The following ZBBX variants were observed in gnomAD, a reference collection of about 807,000 sequenced individuals.
ZBBX encodes zinc finger B-box domain-containing protein 1.
Under a neutral mutation model 108.5 loss-of-function variants are expected in ZBBX, and 101 were observed. That is an observed-to-expected ratio of 0.93 (90% CI 0.79 to 1.10). The LOEUF is 1.10. Among genes scored for constraint, ZBBX ranks in the 50% least tolerant of loss-of-function variants. The pLI, the probability that ZBBX is intolerant of heterozygous loss-of-function variation, is 0.00. For synonymous variants in ZBBX, 356 were observed against 323.4 expected, an observed-to-expected ratio of 1.10 and a Z score of -1.08; for missense variants, 1,009 against 941.4, an observed-to-expected ratio of 1.07 and a Z score of -0.94.
chr3:167,331,649 A>G lies in ZBBX; in HGVS notation c.687+2178T>C, dbSNP rs1738646703. ...AAACGTTTCAGCTCAAAACTGTCAT[A>G]TATCACGTCCACTCAGAGTCCAATA... On this transcript the variant is annotated intron_variant, in intron 10 of 21. Transcript: ENST00000675490. 4 of 985,100 alleles carry G rather than the reference A, an allele frequency of 4.1e-6. No individual in the cohort carries two copies. In the South Asian group the frequency reaches 1.9e-4, roughly 46 times the overall value. 61.0% of individuals were successfully genotyped at this position (985,100 alleles called of 1,614,324 possible).
At chr3:167,402,985 A>C (rs757633759) in intron 1 of ZBBX, among the ~76,000 whole-genome samples, 1 of 152,196 alleles carries the variant, frequency 6.6e-6, no homozygotes, top group Non-Finnish European at 1.5e-5. Context: ...AATTGGAAGA[A>C]CAGAAGGATA....
intron 1 of ZBBX, among the ~76,000 whole-genome samples, chr3:167,391,208 T>A (rs1748076029): frequency 6.6e-6 from 1 of 152,160 alleles, no homozygotes; most frequent in Non-Finnish European, 1.5e-5. Flanking sequence ...ATGTTGAATT[T>A]TGTCGAAGGC....
the ZBBX span, among the ~76,000 whole-genome samples, chr3:167,195,087 T>A: frequency 6.6e-6 from 1 of 152,162 alleles, no homozygotes; most frequent in African/African-American, 2.4e-5. Flanking sequence ...GCAACCAGAT[T>A]CCATGTTTTA....
intron 11 of ZBBX, among the ~76,000 whole-genome samples, chr3:167,323,242 G>GC (rs922820030): frequency 2.5e-4 from 38 of 149,032 alleles, no homozygotes; most frequent in South Asian, 4.3e-4. Context: ...TAAAAGAGGG[G>GC]GGGGGGGGAA....
At chr3:167,345,578 C>G (rs1221979576) in intron 9 of ZBBX, among the ~76,000 whole-genome samples, 1 of 151,656 alleles carries the variant, frequency 6.6e-6, no homozygotes, top group African/African-American at 2.4e-5. Context: ...TTTGGGAGAA[C>G]ATTTACTTGT....
At chr3:167,314,437 G>A (rs996154193) in intron 15 of ZBBX, among the ~76,000 whole-genome samples, 1 of 151,878 alleles carries the variant, frequency 6.6e-6, no homozygotes, top group African/African-American at 2.4e-5. Flanking sequence ...TCTCTTTCAA[G>A]CTCATTAAAA....
chr3:167,197,410 C>T, the ZBBX span, among the ~76,000 whole-genome samples: 10 of 151,936 alleles, frequency 6.6e-5, no homozygotes, highest in Middle Eastern at 6.8e-3. Flanking sequence ...TGGTGGTGGG[C>T]GCCTGTAGTC....
intron 18 of ZBBX, among the ~76,000 whole-genome samples, chr3:167,294,664 G>T (rs771884395): frequency 6.6e-6 from 1 of 152,148 alleles, no homozygotes; most frequent in Non-Finnish European, 1.5e-5. Flanking sequence ...AACACGAAAA[G>T]CAATGGCAAC....
chr3:167,257,568 GT>G (rs1345779596), intron 20 of ZBBX, among the ~76,000 whole-genome samples: 1 of 152,066 alleles, frequency 6.6e-6, no homozygotes, highest in Non-Finnish European at 1.5e-5. Flanking sequence ...TCTATACCCA[GT>G]TTTTTAAAGG....
At chr3:167,362,707 C>T (rs550152338) in intron 6 of ZBBX, among the ~76,000 whole-genome samples, 7 of 152,264 alleles carry the variant, frequency 4.6e-5, no homozygotes, top group Non-Finnish European at 8.8e-5. Flanking sequence ...GCACTTCCCA[C>T]AGGACCTAGC....
At chr3:167,368,890 G>T (rs566437266) in intron 4 of ZBBX, 89 of 262,604 alleles carry the variant, frequency 3.4e-4, no homozygotes, top group African/African-American at 1.8e-3. Context: ...AACAGAAAAC[G>T]AAATAAAAAT....
intron 20 of ZBBX, among the ~76,000 whole-genome samples, chr3:167,258,632 A>G: frequency 6.6e-6 from 1 of 151,974 alleles, no homozygotes; most frequent in East Asian, 1.9e-4. Flanking sequence ...GCTTTTTTAC[A>G]TTAAGGTATG....
the ZBBX span, among the ~76,000 whole-genome samples, chr3:167,228,360 T>A: frequency 1.3e-5 from 2 of 151,768 alleles, no homozygotes; most frequent in South Asian, 4.1e-4. Flanking sequence ...CATTTGTGCA[T>A]TATGCTGCAC....
At chr3:167,188,629 CACAA>C in the ZBBX span, among the ~76,000 whole-genome samples, 32 of 152,198 alleles carry the variant, frequency 2.1e-4, no homozygotes, top group African/African-American at 5.3e-4. Flanking sequence ...GTGTTAAGAC[CACAA>C]ACAAACTTAT....
At position 167,402,697 on chromosome 3, in the gene ZBBX, G is replaced by A. The variant is rs1008690445; in HGVS notation, c.-446+5029C>T. ...CTTCAATAGGAAAATATGAGAATAG[G>A]TGGATAGGTGGGTAATCTCAGCAGA... On this transcript the variant is annotated intron_variant, in intron 1 of 21. Transcript: ENST00000455345. Among the ~76,000 whole-genome samples the A allele has an allele frequency of 4.5e-4, 69 of 151,992 alleles. 1 individual carries two copies. The highest frequency in any genetic ancestry group is 1.6e-3 in the African/African-American group (66 of 41,478).
intron 1 of ZBBX, among the ~76,000 whole-genome samples, chr3:167,388,422 T>G (rs1241713377): frequency 1.3e-5 from 2 of 151,850 alleles, no homozygotes; most frequent in Non-Finnish European, 2.9e-5. Flanking sequence ...GATTTATATT[T>G]TTATAAGATA....
intron 18 of ZBBX, among the ~76,000 whole-genome samples, chr3:167,290,637 A>T (rs1730519081): frequency 6.6e-6 from 1 of 152,124 alleles, no homozygotes; most frequent in Non-Finnish European, 1.5e-5. Context: ...CAAAAACCTG[A>T]ATGCCTCCTC....
the ZBBX span, among the ~76,000 whole-genome samples, chr3:167,182,072 C>T: frequency 6.6e-6 from 1 of 152,282 alleles, no homozygotes; most frequent in Non-Finnish European, 1.5e-5. Context: ...TGGACATATT[C>T]CAGACTCAGC....
the ZBBX span, among the ~76,000 whole-genome samples, chr3:167,185,324 A>G: frequency 2.0e-5 from 3 of 152,158 alleles, no homozygotes; most frequent in African/African-American, 4.8e-5. Context: ...AAGTAAAACT[A>G]TAGGTCAATA....
Sources: allele counts gnomAD v4.1 joint callset (sites outside exome capture counted in the v4.1 genomes callset), GRCh38; gene constraint gnomAD v4.1.1; transcripts MANE v1.5; gene names NCBI Gene and HGNC (gene_info 2026-07-23, HGNC 2026-07-21).